The following GABRG3 variants were observed in gnomAD, a reference collection of about 807,000 sequenced individuals.
The protein encoded by GABRG3 is gamma-aminobutyric acid type A receptor subunit gamma3.
GABRG3 carries 25 observed loss-of-function variants against 48.8 expected under a neutral mutation model. The observed-to-expected ratio is 0.51, with a 90% CI of 0.37 to 0.72. The LOEUF is 0.72. GABRG3 is among the 30% of genes least tolerant of loss of function. The pLI, the probability that GABRG3 is intolerant of heterozygous loss-of-function variation, is 0.00. For missense variants in GABRG3, 394 were observed against 577.9 expected (o/e 0.68, Z 3.26); for synonymous variants, 227 against 217.6 (o/e 1.04, Z -0.38).
At chr15:27,329,399 G>C in intron 5 of GABRG3, among the ~76,000 whole-genome samples, 1 of 152,066 alleles carries the variant, frequency 6.6e-6, no homozygotes, top group East Asian at 1.9e-4. Context: ...TAAGTAGCTG[G>C]GACTATGGGC....
In GABRG3 at chr15:27,447,875, T is replaced by G. The variant is rs1019098392; in HGVS notation, c.575-32775T>G. 3.3e-5 allele frequency among the ~76,000 whole-genome samples: 5 copies of G among 151,956 alleles called. No homozygotes were observed. Among genetic ancestry groups the G allele is most frequent in the Non-Finnish European group, 7.4e-5 (5 of 68,000 alleles). On this transcript the variant is annotated intron_variant, in intron 5 of 9. Coordinates refer to ENST00000615808, the MANE Select transcript of GABRG3 (RefSeq NM_033223.5). This position sits in a 1 kb window ranked among gnomAD's most constrained non-coding sequence, Gnocchi z 4.0. Reference sequence around the variant, plus strand: ...AGGGGTAAGGGGGCTGGGGGAGAGATAGCATTAGGAAAAATACCTAATGTA... The same window carrying G: ...AGGGGTAAGGGGGCTGGGGGAGAGAGAGCATTAGGAAAAATACCTAATGTA...
chr15:26,997,116 G>T (rs1895356762), intron 2 of GABRG3, among the ~76,000 whole-genome samples: 1 of 151,922 alleles, frequency 6.6e-6, no homozygotes. Flanking sequence ...TGTCTCCTGT[G>T]AATTTTTCAT....
intron 3 of GABRG3, among the ~76,000 whole-genome samples, chr15:27,070,452 G>A (rs537995756): frequency 4.3e-4 from 65 of 152,266 alleles, no homozygotes; most frequent in African/African-American, 1.5e-3. Context: ...TGCACTCCAC[G>A]TATGAGTGAA....
intron 3 of GABRG3, among the ~76,000 whole-genome samples, chr15:27,306,633 TATATTTATATATAAACATATATATGAAC>T (rs1326722544): frequency 0.028 from 3,381 of 122,778 alleles, 455 homozygotes; most frequent in African/African-American, 0.096. Flanking sequence ...AATATAAACA[TATATTTATATATAAACATATATATGAAC>T]ATGTTTATAT....
intron 3 of GABRG3, among the ~76,000 whole-genome samples, chr15:27,148,868 A>G (rs2140395050): frequency 6.6e-6 from 1 of 152,174 alleles, no homozygotes; most frequent in South Asian, 2.1e-4. Flanking sequence ...AATGTAACCT[A>G]TGAAAAATCC....
At chr15:27,122,554 T>G (rs1188183412) in intron 3 of GABRG3, among the ~76,000 whole-genome samples, 1 of 152,226 alleles carries the variant, frequency 6.6e-6, no homozygotes, top group Admixed American at 6.5e-5. Flanking sequence ...TGCTTTGCAC[T>G]TGGTAAAAAA....
At chr15:27,145,062 A>T (rs927014048) in intron 3 of GABRG3, among the ~76,000 whole-genome samples, 1 of 152,226 alleles carries the variant, frequency 6.6e-6, no homozygotes, top group Admixed American at 6.5e-5. Flanking sequence ...AAGATTTGCC[A>T]CATTATGTTA....
At chr15:27,086,695 A>G (rs118066809) in intron 3 of GABRG3, among the ~76,000 whole-genome samples, 98 of 152,336 alleles carry the variant, frequency 6.4e-4, no homozygotes, top group South Asian at 1.0e-3. Context: ...TGCTTAGGTA[A>G]AGCATGCAAA....
intron 3 of GABRG3, among the ~76,000 whole-genome samples, chr15:27,089,377 G>A (rs1001235820): frequency 6.6e-6 from 1 of 152,128 alleles, no homozygotes; most frequent in Non-Finnish European, 1.5e-5. Flanking sequence ...GCAGGCTGCA[G>A]TGTCCTCTGT....
At chr15:27,201,290 A>T (rs1225158321) in intron 3 of GABRG3, among the ~76,000 whole-genome samples, 1 of 151,542 alleles carries the variant, frequency 6.6e-6, no homozygotes, top group Non-Finnish European at 1.5e-5. Context: ...AGAGGTGAAC[A>T]CAGGGAGGTT....
chr15:27,018,729 G>A (rs138045995), intron 2 of GABRG3, among the ~76,000 whole-genome samples: 8 of 152,252 alleles, frequency 5.3e-5, no homozygotes, highest in East Asian at 3.9e-4. Flanking sequence ...TGACTTTACC[G>A]TCTCAGGGCT....
intron 2 of GABRG3, among the ~76,000 whole-genome samples, chr15:26,979,850 C>T (rs1169660521): frequency 6.6e-6 from 1 of 152,106 alleles, no homozygotes. Context: ...GTAATATGAG[C>T]TTTATACAAT....
At chr15:27,020,138 A>G (rs529940510) in intron 2 of GABRG3, among the ~76,000 whole-genome samples, 40 of 152,230 alleles carry the variant, frequency 2.6e-4, no homozygotes, top group Middle Eastern at 6.8e-3. Flanking sequence ...AGAGATCTGA[A>G]GAAACTTTTC....
intron 3 of GABRG3, among the ~76,000 whole-genome samples, chr15:27,098,403 C>G (rs967198393): frequency 6.6e-6 from 1 of 152,144 alleles, no homozygotes; most frequent in Non-Finnish European, 1.5e-5. Flanking sequence ...CACTGCACTC[C>G]AGCCTGTGTG....
chr15:27,216,750 T>TTTTATTTA (rs57072496), intron 3 of GABRG3, among the ~76,000 whole-genome samples: 6,097 of 125,620 alleles, frequency 0.049, 210 homozygotes, highest in East Asian at 0.14. Context: ...TTTTTTTATT[T>TTTTATTTA]TTTATTTATT....
At chr15:27,150,665 C>T (rs1319693333) in intron 3 of GABRG3, among the ~76,000 whole-genome samples, 1 of 152,210 alleles carries the variant, frequency 6.6e-6, no homozygotes, top group Non-Finnish European at 1.5e-5. Context: ...CCTACTCACT[C>T]ATCAGAAGGC....
chr15:27,387,317 G>C (rs1334107996), intron 5 of GABRG3, among the ~76,000 whole-genome samples: 2 of 151,830 alleles, frequency 1.3e-5, no homozygotes, highest in Admixed American at 6.6e-5. Flanking sequence ...ATGAAATTAT[G>C]AGACTCTGGT....
intron 3 of GABRG3, among the ~76,000 whole-genome samples, chr15:27,242,461 C>G (rs1053084661): frequency 1.3e-5 from 2 of 152,186 alleles, no homozygotes; most frequent in Admixed American, 6.5e-5. Context: ...CCAGTGAGGT[C>G]TTGCCTGAGT....
rs555795538 is a variant in GABRG3 at position 27,328,116 on chromosome 15, C to CA, written c.492-679dup. ...AACAATTACAGCAAAAACAAACAAA[C>CA]AAAAAAAAAAACCAAAAAAAAAAAA... On this transcript the variant is annotated intron_variant, in intron 4 of 9. Coordinates refer to ENST00000615808, the MANE Select transcript of GABRG3 (RefSeq NM_033223.5). Among the ~76,000 whole-genome samples, 206 of 119,770 alleles carry CA rather than the reference C, an allele frequency of 1.7e-3. 1 individual carries two copies. The Middle Eastern group carries it at 0.018, about 11-fold the overall frequency. 78.6% of individuals were successfully genotyped at this position (119,770 alleles called of 152,430 possible).
Sources: gnomAD v4.1 joint callset for allele counts (sites outside exome capture counted in the v4.1 genomes callset) on GRCh38, gnomAD v4.1.1 for gene constraint, Gnocchi (gnomAD v3.1) non-coding constraint, MANE v1.5 for transcripts, NCBI Gene and HGNC (gene_info 2026-07-23, HGNC 2026-07-21) for gene names.